Variants in GTF2A1 observed in about 807,000 individuals in gnomAD.
GTF2A1 encodes transcription initiation factor IIA subunit 1.
A neutral mutation model predicts 54.1 loss-of-function variants in GTF2A1; 12 were observed. The ratio of observed to expected loss-of-function variants is 0.22; its 90% confidence interval spans 0.14 to 0.36. The LOEUF (loss-of-function observed/expected upper bound fraction) is 0.36. Among genes scored for constraint, GTF2A1 ranks in the 10% least tolerant of loss-of-function variants. The pLI, the probability that GTF2A1 is intolerant of heterozygous loss-of-function variation, is 1.00. For synonymous variants in GTF2A1, 145 were observed against 152.0 expected (o/e 0.95, Z 0.34); for missense variants, 335 against 442.2 (o/e 0.76, Z 2.17).
chr14:81,193,183 T>TA (rs752951129), intron 6 of GTF2A1, among the ~76,000 whole-genome samples: 75 of 151,324 alleles, frequency 5.0e-4, no homozygotes, highest in Non-Finnish European at 8.9e-4. Flanking sequence ...TTTTTTTTTT[T>TA]ATAGATGGAG....
intron 7 of GTF2A1, among the ~76,000 whole-genome samples, chr14:81,188,538 G>A (rs1209027546): frequency 3.3e-5 from 5 of 152,200 alleles, no homozygotes; most frequent in African/African-American, 4.8e-5. Context: ...TTGCGAGGCC[G>A]AGGTGGGCAG....
intron 7 of GTF2A1, among the ~76,000 whole-genome samples, chr14:81,192,089 A>G (rs1466153088): frequency 6.6e-6 from 1 of 152,210 alleles, no homozygotes; most frequent in Non-Finnish European, 1.5e-5. Flanking sequence ...GGTTTTAAAT[A>G]TTTAATAAAT....
chr14:81,210,972 A>ATT (rs1271892690), intron 2 of GTF2A1, among the ~76,000 whole-genome samples: 1 of 152,228 alleles, frequency 6.6e-6, no homozygotes, highest in Non-Finnish European at 1.5e-5. Context: ...TCAGGTATAC[A>ATT]TTTGTATATT....
intron 4 of GTF2A1, among the ~76,000 whole-genome samples, chr14:81,200,903 A>C (rs1364492430): frequency 1.3e-5 from 2 of 149,406 alleles, no homozygotes; most frequent in Non-Finnish European, 3.0e-5. Context: ...AAAAAAAAAC[A>C]AAAAACAACT....
At position 81,220,535 on chromosome 14, in the gene GTF2A1, A is replaced by G. The variant is rs1232169654; in HGVS notation, c.-17T>C. The G allele has an allele frequency of 1.3e-6, 2 of 1,565,182 alleles. No individual in the cohort carries two copies. The highest frequency in any genetic ancestry group is 1.7e-6 in the Non-Finnish European group (2 of 1,153,466). ...GTTCGCCATTTCCACACACAACACA[A>G]ACAAGAGGGGGCAACCCCAAGAAAA... On this transcript the variant is annotated 5_prime_UTR_variant, in exon 1 of 9. Coordinates refer to ENST00000553612, the MANE Select transcript of GTF2A1 (RefSeq NM_015859.4).
intron 1 of GTF2A1, 96 bp downstream of exon 1, chr14:81,220,393 C>T: frequency 1.2e-5 from 9 of 770,376 alleles, no homozygotes; most frequent in Non-Finnish European, 1.7e-5. Context: ...GCTGAAGAGT[C>T]GAGGCCGGGA....
Position 81,176,922 on chromosome 14 carries a change from G to C in GTF2A1, c.*3301C>G, listed in dbSNP as rs1892540693. The C allele has an allele frequency of 6.6e-6, 1 of 151,936 alleles. No homozygotes were observed. The highest frequency in any genetic ancestry group is 2.1e-4 in the South Asian group (1 of 4,832). The allele number at this position is 151,936 out of a possible 1,614,324, so 9.4% of individuals were successfully genotyped here. A position where few individuals can be genotyped will look rare whatever the true frequency, so the allele number is the denominator to read the frequency against. On this transcript the variant is annotated 3_prime_UTR_variant, in exon 9 of 9. Coordinates refer to ENST00000553612, the MANE Select transcript of GTF2A1 (RefSeq NM_015859.4). ...TAAGTCATAAAGAGAACTCCCAAGA[G>C]GAAATTATGTCTGTTTTCCTATACA...
At chr14:81,188,744 T>TCC (rs1024256142) in intron 7 of GTF2A1, among the ~76,000 whole-genome samples, 4 of 151,152 alleles carry the variant, frequency 2.6e-5, no homozygotes, top group Non-Finnish European at 5.9e-5. Flanking sequence ...GCCACTGCAC[T>TCC]CCAGCCTGGG....
At chr14:81,182,813 C>T (rs2140145865) in intron 8 of GTF2A1, among the ~76,000 whole-genome samples, 2 of 152,274 alleles carry the variant, frequency 1.3e-5, no homozygotes, top group Middle Eastern at 6.8e-3. Flanking sequence ...ACCTCTCTAC[C>T]TACTACTGTA....
intron 4 of GTF2A1, among the ~76,000 whole-genome samples, chr14:81,200,113 G>A (rs1341852503): frequency 6.6e-6 from 1 of 152,030 alleles, no homozygotes; most frequent in African/African-American, 2.4e-5. Flanking sequence ...AGAGATCCTC[G>A]ATATTTGTGA....
At chr14:81,208,680 A>C (rs1470716771) in intron 2 of GTF2A1, among the ~76,000 whole-genome samples, 1 of 152,202 alleles carries the variant, frequency 6.6e-6, no homozygotes, top group Non-Finnish European at 1.5e-5. Flanking sequence ...GCTGGAAGCA[A>C]GACTGTACCC....
chr14:81,191,043 C>T (rs147653580), intron 7 of GTF2A1, among the ~76,000 whole-genome samples: 1 of 152,028 alleles, frequency 6.6e-6, no homozygotes, highest in Non-Finnish European at 1.5e-5. Flanking sequence ...GGCAAGAGAC[C>T]TCAATAAGCA....
chr14:81,213,073 AAAC>A (rs1893407919), intron 2 of GTF2A1, among the ~76,000 whole-genome samples: 1 of 152,242 alleles, frequency 6.6e-6, no homozygotes, highest in Non-Finnish European at 1.5e-5. Context: ...GCCCATTTAA[AAAC>A]AACAAGAATA....
chr14:81,192,031 T>G (rs1892886311), intron 7 of GTF2A1, among the ~76,000 whole-genome samples: 1 of 152,140 alleles, frequency 6.6e-6, no homozygotes, highest in Admixed American at 6.5e-5. Flanking sequence ...ACACAGACAT[T>G]AAGGGTACAT....
Position 81,192,752 on chromosome 14 carries a change from G to A in GTF2A1, c.700C>T (p.Gln234Ter). 1 of 1,613,006 alleles carries A rather than the reference G, an allele frequency of 6.2e-7. No homozygotes were observed. Reference protein sequence around the residue: ...QQILFTGNKTQVIPTTVAAPT... With the variant: ...QQILFTGNKT Reference sequence around the variant, plus strand: ...GCTGCCACTGTCGTAGGTATAACTTGAGTCTTATTTCCTGTAAATAAGATT... The same window carrying A: ...GCTGCCACTGTCGTAGGTATAACTTAAGTCTTATTTCCTGTAAATAAGATT... Residue 234 changes from glutamine to a stop codon, truncating the protein, a stop_gained, in exon 7 of 9, where the codon CAA (glutamine) becomes TAA (stop). Transcript: ENST00000553612. LOFTEE classifies it high-confidence loss of function.
At chr14:81,201,486 G>A in intron 4 of GTF2A1, 108 bp downstream of exon 4, 1 of 598,180 alleles carries the variant, frequency 1.7e-6, no homozygotes, top group Non-Finnish European at 3.0e-6. Flanking sequence ...TGTTTTGCTT[G>A]AGTCTTCAAT....
chr14:81,219,798 T>C (rs1207699711), intron 1 of GTF2A1, among the ~76,000 whole-genome samples: 1 of 152,198 alleles, frequency 6.6e-6, no homozygotes, highest in Non-Finnish European at 1.5e-5. Context: ...GCGGGGACAC[T>C]TGGACCACTG....
intron 2 of GTF2A1, among the ~76,000 whole-genome samples, chr14:81,213,821 A>G (rs1393162286): frequency 1.3e-5 from 2 of 151,104 alleles, no homozygotes; most frequent in Admixed American, 1.3e-4. Context: ...CCTACCTCAC[A>G]CAGGAAATAT....
chr14:81,203,729 C>T (rs1181246460), intron 3 of GTF2A1, among the ~76,000 whole-genome samples, 171 bp downstream of exon 3: 1 of 152,098 alleles, frequency 6.6e-6, no homozygotes, highest in Non-Finnish European at 1.5e-5. Context: ...ATCCCTCAGC[C>T]AAGAGAAAGG....
Sources: allele counts gnomAD v4.1 joint callset (sites outside exome capture counted in the v4.1 genomes callset), GRCh38; gene constraint gnomAD v4.1.1; transcripts MANE v1.5; gene names NCBI Gene and HGNC (gene_info 2026-07-23, HGNC 2026-07-21).